PPM1L: variants seen among roughly 807,000 people sequenced by gnomAD.
PPM1L encodes protein phosphatase, Mg2+/Mn2+ dependent 1L, also known as protein phosphatase 1L.
A neutral mutation model predicts 31.4 loss-of-function variants in PPM1L; 13 were observed. That is an observed-to-expected ratio of 0.41 (90% confidence interval 0.27 to 0.66). The LOEUF (loss-of-function observed/expected upper bound fraction) is 0.66, where lower values mean the gene tolerates loss of function less well. Ranked by LOEUF, PPM1L falls within the 30% of genes least tolerant of loss-of-function variation. PPM1L has a pLI of 0.29. For missense variants in PPM1L, 326 were observed against 453.7 expected (o/e 0.72, Z 2.56); for synonymous variants, 184 against 175.4 (o/e 1.05, Z -0.39).
chr3:160,996,763 T>C (rs1373329246), intron 2 of PPM1L, among the ~76,000 whole-genome samples: 1 of 152,154 alleles, frequency 6.6e-6, no homozygotes, highest in African/African-American at 2.4e-5. Flanking sequence ...ACACCACCTG[T>C]TCCCCAAAAA....
At chr3:160,801,922 T>A (rs992945910) in intron 1 of PPM1L, among the ~76,000 whole-genome samples, 2 of 152,160 alleles carry the variant, frequency 1.3e-5, no homozygotes, top group African/African-American at 4.8e-5. Context: ...CTTCTTACTT[T>A]TAGCCACCGC....
chr3:160,892,436 T>C (rs1048468245), intron 1 of PPM1L, among the ~76,000 whole-genome samples: 5 of 152,010 alleles, frequency 3.3e-5, no homozygotes, highest in African/African-American at 1.2e-4. Context: ...GACCCACACA[T>C]CTCCAACCAG....
chr3:160,771,382 GAC>G (rs1560102913), intron 1 of PPM1L, among the ~76,000 whole-genome samples: 1 of 151,332 alleles, frequency 6.6e-6, no homozygotes, highest in Non-Finnish European at 1.5e-5. Context: ...ACAGCCTCCT[GAC>G]ACACAACCAC....
intron 1 of PPM1L, among the ~76,000 whole-genome samples, chr3:160,903,208 T>TGTG (rs1553819694): frequency 1.7e-5 from 2 of 120,116 alleles, no homozygotes; most frequent in South Asian, 2.9e-4. Context: ...GTGTGTATGT[T>TGTG]TGTGTGTGTG....
At chr3:160,838,391 T>C (rs1255458526) in intron 1 of PPM1L, among the ~76,000 whole-genome samples, 1 of 152,122 alleles carries the variant, frequency 6.6e-6, no homozygotes, top group African/African-American at 2.4e-5. Flanking sequence ...CAGAGAGTGA[T>C]GGGCAGTAGA....
intron 2 of PPM1L, among the ~76,000 whole-genome samples, chr3:160,975,983 C>A (rs1716557271): frequency 6.9e-6 from 1 of 145,606 alleles, no homozygotes; most frequent in South Asian, 2.3e-4. Flanking sequence ...CAGTTTTTGC[C>A]CATTCAGTAT....
At chr3:160,778,305 A>G (rs1711621093) in intron 1 of PPM1L, among the ~76,000 whole-genome samples, 1 of 152,070 alleles carries the variant, frequency 6.6e-6, no homozygotes, top group African/African-American at 2.4e-5. Flanking sequence ...ATAATTTGCT[A>G]ATACTTTCTC....
At chr3:160,857,713 G>A (rs773265694) in intron 1 of PPM1L, among the ~76,000 whole-genome samples, 6 of 152,134 alleles carry the variant, frequency 3.9e-5, no homozygotes, top group Non-Finnish European at 7.3e-5. Context: ...TATGGGAGAG[G>A]CAGGCATATA....
intron 2 of PPM1L, among the ~76,000 whole-genome samples, chr3:161,002,097 G>C (rs1024932129): frequency 2.0e-5 from 3 of 150,000 alleles, no homozygotes; most frequent in Non-Finnish European, 4.4e-5. Flanking sequence ...GTTTGGTTTT[G>C]TGTTCTTGCG....
At chr3:160,815,426 T>A (rs889765229) in intron 1 of PPM1L, among the ~76,000 whole-genome samples, 23 of 152,042 alleles carry the variant, frequency 1.5e-4, no homozygotes, top group African/African-American at 5.1e-4. Flanking sequence ...TCAAGTAAGT[T>A]TGGGAATTCC....
intron 2 of PPM1L, among the ~76,000 whole-genome samples, chr3:161,049,507 C>G (rs1719200466): frequency 6.6e-6 from 1 of 152,166 alleles, no homozygotes; most frequent in Admixed American, 6.5e-5. Flanking sequence ...TAAGGTTCTA[C>G]ATCTTGCAGA....
At chr3:160,810,251 TC>T (rs998660327) in intron 1 of PPM1L, among the ~76,000 whole-genome samples, 1 of 152,076 alleles carries the variant, frequency 6.6e-6, no homozygotes, top group African/African-American at 2.4e-5. Flanking sequence ...GACTGTCCTG[TC>T]CCTCAAGAGG....
rs528859465 is a variant in PPM1L at position 160,799,920 on chromosome 3, C to T, written c.399+43213C>T. On this transcript the variant is annotated intron_variant, in intron 1 of 3. Transcript: ENST00000498165. ...ATTTGTTTGTGTATTGTACGTCTCCCCTCCCTAGTATGTAAGTCTCACAAG... is the reference window on the plus strand; with the variant it reads ...ATTTGTTTGTGTATTGTACGTCTCCTCTCCCTAGTATGTAAGTCTCACAAG... 1.6e-3 allele frequency among the ~76,000 whole-genome samples: 239 copies of T among 152,264 alleles called. 1 individual carries two copies. Among genetic ancestry groups the T allele is most frequent in the African/African-American group, 5.5e-3 (230 of 41,540 alleles).
At chr3:161,002,209 T>G (rs1717514643) in intron 2 of PPM1L, among the ~76,000 whole-genome samples, 1 of 152,258 alleles carries the variant, frequency 6.6e-6, no homozygotes, top group Admixed American at 6.5e-5. Flanking sequence ...GGTGTATATG[T>G]GCCACATTTT....
intron 2 of PPM1L, among the ~76,000 whole-genome samples, chr3:160,990,745 A>T (rs1717106636): frequency 6.6e-6 from 1 of 152,234 alleles, no homozygotes; most frequent in African/African-American, 2.4e-5. Context: ...CTCTTTGTTT[A>T]CATGTAAGAC....
intron 2 of PPM1L, among the ~76,000 whole-genome samples, chr3:161,059,270 G>C (rs957313477): frequency 6.6e-6 from 1 of 152,150 alleles, no homozygotes; most frequent in African/African-American, 2.4e-5. Flanking sequence ...CACTGGACCA[G>C]AATCTTGGAT....
At chr3:160,973,467 G>A (rs1716422880) in intron 2 of PPM1L, among the ~76,000 whole-genome samples, 1 of 152,150 alleles carries the variant, frequency 6.6e-6, no homozygotes, top group Admixed American at 6.5e-5. Flanking sequence ...TATAGACCTT[G>A]TTAGAATGTT....
rs2108120120 is a variant in PPM1L at position 161,076,493 on chromosome 3, C to T, written c.*7336C>T. 1 of 152,276 alleles carries T rather than the reference C, an allele frequency of 6.6e-6. No homozygotes were observed. Among genetic ancestry groups the T allele is most frequent in the South Asian group, 2.1e-4 (1 of 4,824 alleles). 9.4% of individuals were successfully genotyped at this position (152,276 alleles called of 1,614,324 possible). On this transcript the variant is annotated 3_prime_UTR_variant, in exon 4 of 4. Transcript: ENST00000498165. Reference sequence around the variant, plus strand: ...TGGAGAAAACCCATAACTTTTGCTTCTATTATAGAAAGCAGTGTTTGTTCT... The same window carrying T: ...TGGAGAAAACCCATAACTTTTGCTTTTATTATAGAAAGCAGTGTTTGTTCT...
chr3:160,903,311 A>C (rs1007559536), intron 1 of PPM1L, among the ~76,000 whole-genome samples: 5 of 151,848 alleles, frequency 3.3e-5, no homozygotes, highest in African/African-American at 1.2e-4. Flanking sequence ...TCTGTGGGGC[A>C]GGCCAGCAGG....
Sources: gnomAD v4.1 joint callset for allele counts (sites outside exome capture counted in the v4.1 genomes callset) on GRCh38, gnomAD v4.1.1 for gene constraint, MANE v1.5 for transcripts, NCBI Gene and HGNC (gene_info 2026-07-23, HGNC 2026-07-21) for gene names.